Variants in RSF1 observed in about 807,000 individuals in gnomAD.
RSF1 encodes the protein remodeling and spacing factor 1.
In RSF1, 13 loss-of-function variants were observed where a neutral mutation model predicts 145.2. The ratio of observed to expected loss-of-function variants is 0.09; its 90% CI spans 0.06 to 0.14. The LOEUF is 0.14. RSF1 is among the 10% of genes least tolerant of loss of function. The pLI, the probability that RSF1 is intolerant of heterozygous loss-of-function variation, is 1.00. For synonymous variants in RSF1, 577 were observed against 592.6 expected (o/e 0.97, Z 0.38); for missense variants, 1,517 against 1,718.2 (o/e 0.88, Z 2.07).
chr11:77,712,867 T>C (rs968599531), intron 5 of RSF1, among the ~76,000 whole-genome samples: 2 of 152,224 alleles, frequency 1.3e-5, no homozygotes, highest in Admixed American at 6.5e-5. Context: ...CTTTCAATAT[T>C]GGGAAACTCC....
chr11:77,865,423 C>T, the RSF1 span, among the ~76,000 whole-genome samples: 42 of 152,170 alleles, frequency 2.8e-4, no homozygotes, highest in African/African-American at 1.0e-3. Flanking sequence ...TTGTAGGAAC[C>T]GGTTGTAGGC....
At chr11:77,741,437 G>C (rs758433161) in intron 3 of RSF1, among the ~76,000 whole-genome samples, 7 of 152,140 alleles carry the variant, frequency 4.6e-5, no homozygotes, top group Non-Finnish European at 1.0e-4. Flanking sequence ...CAGCTATTTA[G>C]GGGGCTGGGC....
chr11:77,690,949 G>A, intron 9 of RSF1: 1 of 537,760 alleles, frequency 1.9e-6, no homozygotes, highest in South Asian at 2.8e-5. Flanking sequence ...CATGTGTCAT[G>A]AAATATGATT....
chr11:77,710,493 A>G (rs897596941), intron 5 of RSF1, among the ~76,000 whole-genome samples: 4 of 152,192 alleles, frequency 2.6e-5, no homozygotes, highest in African/African-American at 9.7e-5. Flanking sequence ...TCAGGACACC[A>G]AATCCACTGT....
At chr11:77,852,570 T>C in the RSF1 span, among the ~76,000 whole-genome samples, 2 of 152,092 alleles carry the variant, frequency 1.3e-5, no homozygotes, top group Non-Finnish European at 2.9e-5. Context: ...CAACATGAGA[T>C]TTGCGCAGGG....
At chr11:77,755,332 G>A (rs1349204436) in intron 2 of RSF1, among the ~76,000 whole-genome samples, 2 of 152,140 alleles carry the variant, frequency 1.3e-5, no homozygotes, top group African/African-American at 4.8e-5. Context: ...GAACAGATGT[G>A]GAGGGTGAAT....
At chr11:77,756,084 G>A (rs974322190) in intron 2 of RSF1, among the ~76,000 whole-genome samples, 30 of 152,104 alleles carry the variant, frequency 2.0e-4, no homozygotes, top group Non-Finnish European at 3.4e-4. Context: ...CAGGCCAGGC[G>A]TGGTGGCTCA....
At chr11:77,700,345 C>T (rs1323484720) in intron 6 of RSF1, among the ~76,000 whole-genome samples, 1 of 48,144 alleles carries the variant, frequency 2.1e-5, no homozygotes, top group Admixed American at 3.2e-4. Flanking sequence ...GCAAGACTGT[C>T]TCACAAAAAA....
intron 1 of RSF1, among the ~76,000 whole-genome samples, chr11:77,810,322 T>A (rs1208336491): frequency 1.3e-5 from 2 of 152,198 alleles, no homozygotes; most frequent in Non-Finnish European, 2.9e-5. Flanking sequence ...CATTGCCTTA[T>A]GACAATTAGG....
the RSF1 span, among the ~76,000 whole-genome samples, chr11:77,871,690 T>G: frequency 3.9e-5 from 6 of 152,224 alleles, no homozygotes; most frequent in Non-Finnish European, 8.8e-5. Context: ...TAACATTTCT[T>G]AGCTAGCATG....
In RSF1 at chr11:77,742,171, A is replaced by G. The variant is rs183534025; in HGVS notation, c.373-1235T>C. On this transcript the variant is annotated intron_variant, in intron 3 of 15. Coordinates refer to ENST00000308488, the MANE Select transcript of RSF1 (RefSeq NM_016578.4). Reference sequence around the variant, plus strand: ...CGTTGGATATATATCCAGCAGTAGGATGCTGAATCATATGGTAGTTCTATT... The same window carrying G: ...CGTTGGATATATATCCAGCAGTAGGGTGCTGAATCATATGGTAGTTCTATT... 3.9e-5 allele frequency among the ~76,000 whole-genome samples: 6 copies of G among 152,364 alleles called. No homozygotes were observed. The East Asian group carries it at 1.2e-3, about 29-fold the overall frequency.
the RSF1 span, chr11:77,829,713 C>T: frequency 1.3e-5 from 2 of 152,186 alleles, no homozygotes; most frequent in African/African-American, 4.8e-5. Flanking sequence ...TTAGAAATAA[C>T]ACCAAATCCA....
intron 1 of RSF1, among the ~76,000 whole-genome samples, chr11:77,778,459 T>A (rs1948371052): frequency 7.2e-5 from 11 of 152,136 alleles, no homozygotes; most frequent in Admixed American, 7.2e-4. Flanking sequence ...TATAAGGTTA[T>A]CAAACATGTG....
At chr11:77,833,009 AT>A in the RSF1 span, among the ~76,000 whole-genome samples, 503 of 60,008 alleles carry the variant, frequency 8.4e-3, 8 homozygotes, top group Non-Finnish European at 1.0e-2. Flanking sequence ...ATATATATAT[AT>A]TTTTTTTTTT....
intron 9 of RSF1, among the ~76,000 whole-genome samples, chr11:77,689,662 G>A (rs900352786): frequency 2.6e-5 from 4 of 152,152 alleles, no homozygotes; most frequent in African/African-American, 9.7e-5. Flanking sequence ...TGGTTCATAT[G>A]TCTGTATTCT....
At chr11:77,820,345 C>T (rs2136000083) in intron 1 of RSF1, among the ~76,000 whole-genome samples, 183 bp downstream of exon 1, 1 of 152,358 alleles carries the variant, frequency 6.6e-6, no homozygotes, top group East Asian at 1.9e-4. Context: ...GCCTCCGCCC[C>T]GCCTCCCCAC....
At chr11:77,677,494 C>T (rs776464543) in intron 12 of RSF1, among the ~76,000 whole-genome samples, 2 of 152,144 alleles carry the variant, frequency 1.3e-5, no homozygotes, top group Non-Finnish European at 2.9e-5. Context: ...AATTCAGCAG[C>T]AAAAATGTAA....
At chr11:77,849,038 CT>C in the RSF1 span, among the ~76,000 whole-genome samples, 755 of 139,896 alleles carry the variant, frequency 5.4e-3, no homozygotes, top group Non-Finnish European at 5.1e-3. Context: ...AGTGGTGCTC[CT>C]TTTTTTTTTT....
intron 9 of RSF1, among the ~76,000 whole-genome samples, chr11:77,686,635 A>G (rs1038160003): frequency 1.3e-5 from 2 of 151,934 alleles, no homozygotes; most frequent in African/African-American, 4.8e-5. Context: ...TAACAAGAAT[A>G]TTCATGGTCT....
Sources: gnomAD v4.1 joint callset for allele counts (sites outside exome capture counted in the v4.1 genomes callset) on GRCh38, gnomAD v4.1.1 for gene constraint, MANE v1.5 for transcripts, NCBI Gene and HGNC (gene_info 2026-07-23, HGNC 2026-07-21) for gene names.